ERCC8: variants seen among roughly 807,000 people sequenced by gnomAD.
ERCC8 encodes the protein DNA excision repair protein ERCC-8.
Under a neutral mutation model 54.9 loss-of-function variants are expected in ERCC8, and 52 were observed. That is an observed-to-expected ratio of 0.95 (90% CI 0.76 to 1.19). ERCC8 has a LOEUF of 1.19. ERCC8 is among the 50% of genes most tolerant of loss of function. The pLI is 0.00. For synonymous variants in ERCC8, 146 were observed against 157.2 expected (o/e 0.93, Z 0.53); for missense variants, 514 against 466.1 (o/e 1.10, Z -0.95).
intron 11 of ERCC8, among the ~76,000 whole-genome samples, chr5:60,876,558 T>C (rs1417981341): frequency 6.6e-6 from 1 of 152,326 alleles, no homozygotes; most frequent in Non-Finnish European, 1.5e-5. Flanking sequence ...CCTGACTTTT[T>C]AATGATCACC....
At chr5:60,902,167 A>G (rs1199600095) in intron 7 of ERCC8, among the ~76,000 whole-genome samples, 1 of 152,110 alleles carries the variant, frequency 6.6e-6, no homozygotes, top group Non-Finnish European at 1.5e-5. Flanking sequence ...CTATTTAAAA[A>G]TTAGCACTGT....
At chr5:60,886,562 C>T (rs893342456) in intron 11 of ERCC8, among the ~76,000 whole-genome samples, 36 of 151,794 alleles carry the variant, frequency 2.4e-4, no homozygotes, top group Non-Finnish European at 4.1e-4. Context: ...ATTAGCCAGG[C>T]GTGGTGGCGG....
At chr5:60,895,213 G>A (rs1478896572) in intron 9 of ERCC8, among the ~76,000 whole-genome samples, 1 of 149,040 alleles carries the variant, frequency 6.7e-6, no homozygotes, top group Non-Finnish European at 1.5e-5. Flanking sequence ...TTTTCTATAG[G>A]TTAGATAAGT....
At chr5:60,894,762 T>C (rs1561500226) in intron 9 of ERCC8, among the ~76,000 whole-genome samples, 1 of 152,198 alleles carries the variant, frequency 6.6e-6, no homozygotes. Context: ...GTTTACTTCC[T>C]GATAATAATT....
At chr5:60,941,742 T>C (rs1488335225) in intron 1 of ERCC8, among the ~76,000 whole-genome samples, 2 of 152,118 alleles carry the variant, frequency 1.3e-5, no homozygotes, top group African/African-American at 2.4e-5. Flanking sequence ...TCAGAAACCA[T>C]TAGACCTACT....
chr5:60,920,070 G>A (rs1292904874), intron 3 of ERCC8, among the ~76,000 whole-genome samples: 1 of 151,892 alleles, frequency 6.6e-6, no homozygotes, highest in African/African-American at 2.4e-5. Flanking sequence ...AGGAGAGTTA[G>A]CCATTATTCA....
intron 4 of ERCC8, among the ~76,000 whole-genome samples, chr5:60,913,459 T>C (rs1749333946): frequency 6.6e-6 from 1 of 152,108 alleles, no homozygotes; most frequent in Admixed American, 6.5e-5. Context: ...CATTTTTTAT[T>C]GCGTCTATTT....
chr5:60,936,018 T>A (rs1264074937), intron 1 of ERCC8, among the ~76,000 whole-genome samples: 1 of 152,194 alleles, frequency 6.6e-6, no homozygotes, highest in East Asian at 1.9e-4. Flanking sequence ...TTCCTGGTTT[T>A]GGTATTAGCA....
chr5:60,918,467 A>T (rs1374310259), intron 3 of ERCC8, 79 bp from the exon 4 acceptor site: 4 of 1,257,642 alleles, frequency 3.2e-6, no homozygotes, highest in Non-Finnish European at 2.3e-6. Flanking sequence ...AACAAGTAGT[A>T]GTCTCAGGTA....
chr5:60,937,767 C>A (rs1025776555), intron 1 of ERCC8, among the ~76,000 whole-genome samples: 1 of 152,158 alleles, frequency 6.6e-6, no homozygotes, highest in Non-Finnish European at 1.5e-5. Context: ...CCCACAGTGC[C>A]TGCAGCGGCA....
intron 2 of ERCC8, among the ~76,000 whole-genome samples, chr5:60,927,139 A>G (rs1749772695): frequency 6.6e-6 from 1 of 152,220 alleles, no homozygotes; most frequent in Non-Finnish European, 1.5e-5. Context: ...CTGCAGTTGC[A>G]CCTGTTAAAC....
chr5:60,899,418 A>G (rs1748809553), intron 8 of ERCC8, among the ~76,000 whole-genome samples: 1 of 152,082 alleles, frequency 6.6e-6, no homozygotes, highest in African/African-American at 2.4e-5. Flanking sequence ...TTTGGGGGCA[A>G]ATGAAACTGC....
Position 60,899,655 on chromosome 5 carries a change from A to G in ERCC8, c.690T>C (p.Asn230=). The G allele has an allele frequency of 6.2e-7, 1 of 1,612,064 alleles. No homozygotes were observed. The highest frequency in any genetic ancestry group is 8.5e-7 in the Non-Finnish European group (1 of 1,178,634). Residue 230 remains asparagine, a synonymous_variant, in exon 8 of 12, where the codon AAT becomes AAC. Coordinates refer to ENST00000676185, the MANE Select transcript of ERCC8 (RefSeq NM_000082.4). ...SGCLITLDQH[N]GKKSQAVESA... is the part of the protein sequence containing the mutation. ...ATTCAACAGCTTGTGACTTTTTCCCATTATGTTGATCAAGAGTAATCAAAC... is the reference window on the plus strand; with the variant it reads ...ATTCAACAGCTTGTGACTTTTTCCCGTTATGTTGATCAAGAGTAATCAAAC...
Position 60,874,373 on chromosome 5 carries a change from T to G in ERCC8, c.*242A>C. 3 of 485,492 alleles carry G rather than the reference T, an allele frequency of 6.2e-6. No homozygotes were observed. The highest frequency in any genetic ancestry group is 3.7e-6 in the Non-Finnish European group (1 of 271,852). 30.1% of individuals were successfully genotyped at this position (485,492 alleles called of 1,614,324 possible). On this transcript the variant is annotated 3_prime_UTR_variant, in exon 12 of 12. Coordinates refer to ENST00000676185, the MANE Select transcript of ERCC8 (RefSeq NM_000082.4). ...ACAACGACTTGTGTTACTTGTACTGTAGCAATGAGGGCTTTCCCAGGCCAC... is the reference window on the plus strand; with the variant it reads ...ACAACGACTTGTGTTACTTGTACTGGAGCAATGAGGGCTTTCCCAGGCCAC...
At chr5:60,904,717 A>G in intron 5 of ERCC8, 75 bp downstream of exon 5, 2 of 612,894 alleles carry the variant, frequency 3.3e-6, no homozygotes, top group Non-Finnish European at 2.9e-6. Flanking sequence ...TAAAATGTCT[A>G]CATCAAAACT....
intron 1 of ERCC8, 41 bp from the exon 2 acceptor site, chr5:60,929,000 TA>T: frequency 8.2e-7 from 1 of 1,212,404 alleles, no homozygotes; most frequent in Non-Finnish European, 1.2e-6. Flanking sequence ...ACAAGTAATT[TA>T]ACATTTAAAA....
At chr5:60,906,100 T>C (rs532914463) in intron 4 of ERCC8, among the ~76,000 whole-genome samples, 4 of 152,118 alleles carry the variant, frequency 2.6e-5, no homozygotes, top group African/African-American at 9.6e-5. Context: ...TATGCAGGAG[T>C]AATTGGGGAA....
chr5:60,933,224 T>C (rs1395988919), intron 1 of ERCC8, among the ~76,000 whole-genome samples: 2 of 136,900 alleles, frequency 1.5e-5, no homozygotes, highest in East Asian at 2.1e-4. Context: ...TTCTTTTTTT[T>C]TTTTTTTTTT....
intron 2 of ERCC8, among the ~76,000 whole-genome samples, chr5:60,926,775 A>C (rs1055424625): frequency 6.6e-6 from 1 of 152,226 alleles, no homozygotes; most frequent in Non-Finnish European, 1.5e-5. Flanking sequence ...TCTTCATGAA[A>C]CGTTGCTTTT....
Sources: gnomAD v4.1 joint callset for allele counts (sites outside exome capture counted in the v4.1 genomes callset) on GRCh38, gnomAD v4.1.1 for gene constraint, MANE v1.5 for transcripts, NCBI Gene and HGNC (gene_info 2026-07-23, HGNC 2026-07-21) for gene names.